The following FMN1 variants were observed in gnomAD, a reference collection of about 807,000 sequenced individuals.
FMN1 encodes the protein formin-1.
FMN1 carries 110 observed loss-of-function variants against 132.4 expected under a neutral mutation model. That is an observed-to-expected ratio of 0.83 (90% CI 0.71 to 0.97). The LOEUF (loss-of-function observed/expected upper bound fraction) is 0.97. Among genes scored for constraint, FMN1 ranks in the 50% least tolerant of loss-of-function variants. FMN1 has a pLI of 0.00. For synonymous variants in FMN1, 722 were observed against 651.7 expected (o/e 1.11, Z -1.64); for missense variants, 1,792 against 1,705.3 (o/e 1.05, Z -0.90).
Position 33,131,453 on chromosome 15 carries a change from G to C in FMN1, c.1867+21595C>G, listed in dbSNP as rs192449915. On this transcript the variant is annotated intron_variant, in intron 4 of 20. Transcript: ENST00000616417. ...AAATGTCAGCTGAAGATGGAAACAA[G>C]TGTTGAAAACGATCTCTAATCATAA... Among the ~76,000 whole-genome samples the C allele has an allele frequency of 7.2e-5, 11 of 152,062 alleles. No individual in the cohort carries two copies. The East Asian group carries it at 1.9e-3, about 27-fold the overall frequency.
chr15:32,805,982 GTTCTT>G (rs141445039), intron 17 of FMN1, among the ~76,000 whole-genome samples: 4,255 of 152,142 alleles, frequency 0.028, 188 homozygotes, highest in African/African-American at 0.097. Context: ...TTTTGGGGTG[GTTCTT>G]TTATATATCC....
At chr15:32,852,410 G>A (rs183764524) in intron 17 of FMN1, among the ~76,000 whole-genome samples, 7 of 152,068 alleles carry the variant, frequency 4.6e-5, no homozygotes, top group East Asian at 1.9e-4. Flanking sequence ...TTGAGACAGC[G>A]TCTTGCTCTG....
intron 6 of FMN1, among the ~76,000 whole-genome samples, chr15:33,027,459 T>G (rs776478761): frequency 7.9e-5 from 12 of 152,188 alleles, no homozygotes; most frequent in Non-Finnish European, 1.5e-4. Flanking sequence ...GAGAACTGTA[T>G]GCAATGGGCC....
Position 33,177,444 on chromosome 15 carries a change from A to C in FMN1, c.-132+2754T>G, listed in dbSNP as rs577366061. On this transcript the variant is annotated intron_variant, in intron 3 of 20. Coordinates refer to ENST00000616417, the MANE Select transcript of FMN1 (RefSeq NM_001277313.2). ...GCTTGGACTCAAGTCCAGCTTTGCC[A>C]ATTACTAACAGTACTCTTGTGCAAG... Among the ~76,000 whole-genome samples, 10 of 152,324 alleles carry C rather than the reference A, an allele frequency of 6.6e-5. No individual in the cohort carries two copies. The South Asian group carries it at 2.1e-3, about 32-fold the overall frequency.
At chr15:32,777,696 T>G (rs1454537620) in intron 19 of FMN1, among the ~76,000 whole-genome samples, 1 of 124,316 alleles carries the variant, frequency 8.0e-6, no homozygotes, top group African/African-American at 3.0e-5. Context: ...ACGTATAACA[T>G]ATAACACATT....
rs896730435 is a variant in FMN1, at chr15:33,145,605, G to T, written c.1867+7443C>A. Reference sequence around the variant, plus strand: ...TATTTTCAGTGTTGTCCCTCCCCGTGGTAGCCGCTACCCTCGGATGTGGCT... The same window carrying T: ...TATTTTCAGTGTTGTCCCTCCCCGTTGTAGCCGCTACCCTCGGATGTGGCT... On this transcript the variant is annotated intron_variant, in intron 4 of 20. Coordinates refer to ENST00000616417, the MANE Select transcript of FMN1 (RefSeq NM_001277313.2). Among the ~76,000 whole-genome samples the T allele has an allele frequency of 1.3e-5, 2 of 151,546 alleles. 1 individual carries two copies. Among genetic ancestry groups the T allele is most frequent in the Admixed American group, 1.3e-4 (2 of 15,190 alleles).
chr15:32,801,327 T>G (rs929192248), intron 18 of FMN1, among the ~76,000 whole-genome samples: 1 of 152,158 alleles, frequency 6.6e-6, no homozygotes, highest in African/African-American at 2.4e-5. Flanking sequence ...AAAAAAATAC[T>G]AAATTTCAGC....
At chr15:33,080,755 C>T (rs1020577403) in intron 5 of FMN1, among the ~76,000 whole-genome samples, 14 of 152,170 alleles carry the variant, frequency 9.2e-5, no homozygotes, top group South Asian at 4.2e-4. Flanking sequence ...GGCATGGTGG[C>T]GCATGCCTGT....
chr15:32,983,922 T>TA (rs1421002692), intron 7 of FMN1, among the ~76,000 whole-genome samples: 20 of 152,200 alleles, frequency 1.3e-4, no homozygotes, highest in African/African-American at 4.6e-4. Flanking sequence ...GTATCATTCT[T>TA]ACATTGCAGC....
intron 16 of FMN1, among the ~76,000 whole-genome samples, chr15:32,858,729 A>G (rs2059193116): frequency 6.6e-6 from 1 of 152,174 alleles, no homozygotes; most frequent in Non-Finnish European, 1.5e-5. Flanking sequence ...AACTAGAACA[A>G]ATTCTATAAA....
chr15:32,812,062 G>A (rs1352005997), intron 17 of FMN1, among the ~76,000 whole-genome samples: 2 of 151,990 alleles, frequency 1.3e-5, no homozygotes, highest in Non-Finnish European at 2.9e-5. Flanking sequence ...CCACGAAATG[G>A]TATCACCTAA....
At chr15:32,997,967 A>G (rs1478088068) in intron 7 of FMN1, among the ~76,000 whole-genome samples, 2 of 152,192 alleles carry the variant, frequency 1.3e-5, no homozygotes, top group African/African-American at 4.8e-5. Flanking sequence ...AAAAAAATAA[A>G]TGTTACTCAG....
intron 19 of FMN1, among the ~76,000 whole-genome samples, chr15:32,792,358 T>C (rs2057113912): frequency 6.6e-6 from 1 of 150,524 alleles, no homozygotes; most frequent in Admixed American, 6.6e-5. Context: ...GGCAGGAGAA[T>C]GGCATGAACC....
Position 32,803,966 on chromosome 15 carries a change from G to A in FMN1, c.3980+315C>T, listed in dbSNP as rs79046568. 3.6e-3 allele frequency among the ~76,000 whole-genome samples: 554 copies of A among 152,204 alleles called. 12 individuals carry two copies. Among genetic ancestry groups the A allele is most frequent in the African/African-American group, 0.013 (532 of 41,534 alleles). On this transcript the variant is annotated intron_variant, in intron 18 of 20. Transcript: ENST00000616417. ...ATGGATGCATAGTCTTAACACATGG[G>A]GCCGAAAGTAGGGCTAGTCAAACCT...
intron 17 of FMN1, among the ~76,000 whole-genome samples, chr15:32,839,304 G>A (rs529440024): frequency 1.1e-4 from 16 of 152,224 alleles, no homozygotes; most frequent in East Asian, 9.7e-4. Flanking sequence ...TCTCAACCAC[G>A]GAGCGTCAGC....
chr15:33,069,671 C>T (rs891992150), intron 5 of FMN1, among the ~76,000 whole-genome samples: 3 of 151,962 alleles, frequency 2.0e-5, no homozygotes, highest in African/African-American at 4.8e-5. Flanking sequence ...TCAAAAGGAA[C>T]GCTCACACAA....
chr15:33,157,126 G>A (rs2140292776), intron 3 of FMN1, among the ~76,000 whole-genome samples: 1 of 152,178 alleles, frequency 6.6e-6, no homozygotes, highest in Non-Finnish European at 1.5e-5. Context: ...TTAGCTGTGT[G>A]TGGTGGTGCA....
At chr15:32,873,404 G>A (rs2059562262) in intron 16 of FMN1, among the ~76,000 whole-genome samples, 1 of 152,204 alleles carries the variant, frequency 6.6e-6, no homozygotes, top group Admixed American at 6.5e-5. Context: ...GAAGCCTCCA[G>A]ACACTGATCT....
intron 16 of FMN1, among the ~76,000 whole-genome samples, chr15:32,873,627 T>C (rs2059567833): frequency 6.6e-6 from 1 of 151,910 alleles, no homozygotes; most frequent in Admixed American, 6.6e-5. Flanking sequence ...TGAGGAAGGA[T>C]GGGGGACTGC....
Sources: allele counts gnomAD v4.1 joint callset (sites outside exome capture counted in the v4.1 genomes callset), GRCh38; gene constraint gnomAD v4.1.1; transcripts MANE v1.5; gene names NCBI Gene and HGNC (gene_info 2026-07-23, HGNC 2026-07-21).